The following TRMT9B variants were observed in gnomAD, a reference collection of about 807,000 sequenced individuals.
The protein encoded by TRMT9B is probable tRNA methyltransferase 9B.
In TRMT9B, 16 loss-of-function variants were observed where a neutral mutation model predicts 11.5. That is an observed-to-expected ratio of 1.39 (90% confidence interval 0.94 to 2.11). The LOEUF is 2.11. Among genes scored for constraint, TRMT9B ranks in the 30% most tolerant of loss-of-function variants. The probability of loss-of-function intolerance (pLI) is 0.00; values close to 1 mark genes in which losing one functional copy is unlikely to be tolerated. For synonymous variants in TRMT9B, 274 were observed against 192.4 expected (o/e 1.42, Z -3.51); for missense variants, 941 against 553.8 (o/e 1.70, Z -7.02).
intron 1 of TRMT9B, among the ~76,000 whole-genome samples, chr8:12,954,804 C>G (rs923430507): frequency 1.2e-4 from 18 of 152,184 alleles, no homozygotes; most frequent in Non-Finnish European, 4.4e-5. Context: ...TAACATCATT[C>G]ATTTTGGATA....
chr8:13,012,188 T>C (rs992232908), intron 3 of TRMT9B: 4 of 985,306 alleles, frequency 4.1e-6, no homozygotes, highest in African/African-American at 1.7e-5. Context: ...TTCTCTCTTC[T>C]ATATGAGAAT....
chr8:13,019,389 T>A (rs1415480746), intron 4 of TRMT9B, among the ~76,000 whole-genome samples: 1 of 152,202 alleles, frequency 6.6e-6, no homozygotes, highest in African/African-American at 2.4e-5. Flanking sequence ...CCTCCCTGGC[T>A]CAAATGATCT....
chr8:12,978,985 C>T (rs1322988476), intron 1 of TRMT9B, among the ~76,000 whole-genome samples: 3 of 152,190 alleles, frequency 2.0e-5, no homozygotes, highest in Non-Finnish European at 4.4e-5. Flanking sequence ...GTGTGTAAAC[C>T]TTCTGGGTTT....
At chr8:13,014,901 A>C (rs1428462237) in intron 4 of TRMT9B, among the ~76,000 whole-genome samples, 1 of 152,012 alleles carries the variant, frequency 6.6e-6, no homozygotes, top group Non-Finnish European at 1.5e-5. Flanking sequence ...TCTCTACTAA[A>C]AATGCAAAAA....
intron 1 of TRMT9B, among the ~76,000 whole-genome samples, chr8:12,990,622 G>C (rs149417788): frequency 1.3e-5 from 2 of 152,132 alleles, no homozygotes; most frequent in Admixed American, 1.3e-4. Flanking sequence ...AGAAAGTATT[G>C]TATGTTTTAT....
In TRMT9B at chr8:13,027,045, C is replaced by G. The variant is rs1814769974; in HGVS notation, c.*5001C>G. The G allele has an allele frequency of 6.0e-6, 1 of 167,046 alleles. No homozygotes were observed. The highest frequency in any genetic ancestry group is 2.4e-5 in the African/African-American group (1 of 41,428). 10.3% of individuals were successfully genotyped at this position (167,046 alleles called of 1,614,324 possible). A position where few individuals can be genotyped will look rare whatever the true frequency, so the allele number is the denominator to read the frequency against. On this transcript the variant is annotated 3_prime_UTR_variant, in exon 5 of 5. Coordinates refer to ENST00000524591, the MANE Select transcript of TRMT9B (RefSeq NM_020844.3). The stretch of plus-strand genomic sequence containing the variant: ...ATTCTGGGACCACTTTTCTCCAACT[C>G]TTCAACCTTTCAACAATTATATTAT...
rs1402527900 is a variant in TRMT9B, at chr8:13,021,829, T to C, written c.1150T>C (p.Ser384Pro). 6.2e-7 allele frequency: 1 copy of C among 1,613,710 alleles called. No individual in the cohort carries two copies. The highest frequency in any genetic ancestry group is 8.5e-7 in the Non-Finnish European group (1 of 1,179,716). ...ATTGAGAAGGATTTCTGCAGTTGATTCCACAGATTTCAACCCAGATGATAC... is the reference window on the plus strand; with the variant it reads ...ATTGAGAAGGATTTCTGCAGTTGATCCCACAGATTTCAACCCAGATGATAC... ...KILRRISAVD[S>P]TDFNPDDTMS... Residue 384 changes from serine (S) to proline (P), a missense_variant, in exon 5 of 5, where the codon TCC (serine) becomes CCC (proline). Transcript: ENST00000524591.
chr8:12,991,570 G>T (rs955410247), intron 2 of TRMT9B, among the ~76,000 whole-genome samples: 1 of 152,110 alleles, frequency 6.6e-6, no homozygotes, highest in Non-Finnish European at 1.5e-5. Context: ...TAATAGGAGA[G>T]CCATTTCCAA....
At chr8:12,968,377 T>A (rs1005744086) in intron 1 of TRMT9B, among the ~76,000 whole-genome samples, 1 of 152,194 alleles carries the variant, frequency 6.6e-6, no homozygotes, top group Non-Finnish European at 1.5e-5. Context: ...AGGCTTGTTG[T>A]TTGGTTGGAA....
intron 2 of TRMT9B, among the ~76,000 whole-genome samples, chr8:13,005,107 G>C (rs943430693): frequency 1.3e-5 from 2 of 148,636 alleles, no homozygotes; most frequent in Non-Finnish European, 3.0e-5. Flanking sequence ...AAAAGAAAAA[G>C]AAAAGAAAAG....
intron 3 of TRMT9B, among the ~76,000 whole-genome samples, chr8:13,009,081 C>A (rs1012721831): frequency 6.6e-6 from 1 of 151,776 alleles, no homozygotes; most frequent in Non-Finnish European, 1.5e-5. Context: ...AAAAAAGGAC[C>A]AGCATCCTGT....
intron 1 of TRMT9B, among the ~76,000 whole-genome samples, chr8:12,973,075 G>A (rs2977076): frequency 0.51 from 77,304 of 151,984 alleles, 20,112 homozygotes; most frequent in East Asian, 0.64. Flanking sequence ...CATGAGTGGA[G>A]TCATGCAGTG....
chr8:12,972,564 C>T (rs1453586769), intron 1 of TRMT9B, among the ~76,000 whole-genome samples: 1 of 152,186 alleles, frequency 6.6e-6, no homozygotes, highest in African/African-American at 2.4e-5. Context: ...CCCTCTCCCA[C>T]CCTGTCCTTC....
At chr8:12,965,282 G>A (rs1480040529) in intron 1 of TRMT9B, among the ~76,000 whole-genome samples, 1 of 152,112 alleles carries the variant, frequency 6.6e-6, no homozygotes, top group African/African-American at 2.4e-5. Context: ...AGACTCTGGA[G>A]GGAACTACAA....
chr8:13,001,713 C>G (rs913573141), intron 2 of TRMT9B, among the ~76,000 whole-genome samples: 2 of 150,038 alleles, frequency 1.3e-5, no homozygotes, highest in Non-Finnish European at 3.0e-5. Flanking sequence ...AACCGGGACT[C>G]TTTTCTCCAA....
At position 13,021,055 on chromosome 8, in the gene TRMT9B, G is replaced by A. The variant is rs767656604; in HGVS notation, c.376G>A (p.Glu126Lys). Residue 126 changes from glutamate to lysine, a missense_variant, in exon 5 of 5, where the codon GAA (glutamate) becomes AAA (lysine). By Grantham distance (56) the Glu-to-Lys change is moderately conservative. Transcript: ENST00000524591. The part of the protein sequence containing the change: ...TKQRRIRAIK[E>K]MARVLVPGGQ... ...ACAAAGAAGAATCAGAGCAATAAAA[G>A]AAATGGCCAGGGTCTTAGTTCCCGG... 3.2e-6 allele frequency: 5 copies of A among 1,584,224 alleles called. No individual in the cohort carries two copies. Among genetic ancestry groups the A allele is most frequent in the Non-Finnish European group, 4.3e-6 (5 of 1,167,094 alleles).
Position 12,959,516 on chromosome 8 carries a change from C to CTTTTTTTTTTTTTTTTT in TRMT9B, c.-200+13557_-200+13573dup, listed in dbSNP as rs61536433. ...TCTCCTCTCCTTTCCTTTTTCCTTC[C>CTTTTTTTTTTTTTTTTT]TTTTTTTTTTTTTTTTTTTTTTTGA... On this transcript the variant is annotated intron_variant, in intron 1 of 4. Transcript: ENST00000524591. Among the ~76,000 whole-genome samples the CTTTTTTTTTTTTTTTTT allele has an allele frequency of 3.6e-4, 27 of 74,934 alleles. 3 individuals carry two copies. Among genetic ancestry groups the CTTTTTTTTTTTTTTTTT allele is most frequent in the East Asian group, 2.0e-3 (4 of 1,954 alleles). The allele number at this position is 74,934 out of a possible 152,430, so 49.2% of individuals were successfully genotyped here. A position where few individuals can be genotyped will look rare whatever the true frequency, so the allele number is the denominator to read the frequency against.
chr8:12,952,928 C>T (rs1800815651), intron 1 of TRMT9B, among the ~76,000 whole-genome samples: 1 of 152,186 alleles, frequency 6.6e-6, no homozygotes, highest in East Asian at 1.9e-4. Context: ...TTACTAGAGA[C>T]GGGGTTTCAC....
chr8:13,009,426 T>A (rs931870560), intron 3 of TRMT9B, among the ~76,000 whole-genome samples: 11 of 152,214 alleles, frequency 7.2e-5, no homozygotes, highest in African/African-American at 2.4e-4. Flanking sequence ...AGTATTTTAA[T>A]AGGTAACCCA....
Sources: gnomAD v4.1 joint callset for allele counts (sites outside exome capture counted in the v4.1 genomes callset) on GRCh38, gnomAD v4.1.1 for gene constraint, MANE v1.5 for transcripts, NCBI Gene and HGNC (gene_info 2026-07-23, HGNC 2026-07-21) for gene names.